The following RNF111 variants were observed in gnomAD, a reference collection of about 807,000 sequenced individuals.
RNF111 encodes ring finger protein 111, also known as E3 ubiquitin-protein ligase Arkadia.
In RNF111, 17 loss-of-function variants were observed where a neutral mutation model predicts 95.1. The observed-to-expected ratio is 0.18, with a 90% confidence interval of 0.12 to 0.27. The LOEUF is 0.27. RNF111 is among the 10% of genes least tolerant of loss of function. RNF111 has a pLI of 1.00. For synonymous variants in RNF111, 440 were observed against 414.8 expected, an observed-to-expected ratio of 1.06 and a Z score of -0.74; for missense variants, 1,189 against 1,210.4, an observed-to-expected ratio of 0.98 and a Z score of 0.26.
chr15:59,008,344 A>G (rs1334117695), intron 1 of RNF111, among the ~76,000 whole-genome samples: 2 of 152,120 alleles, frequency 1.3e-5, no homozygotes, highest in Admixed American at 6.5e-5. Context: ...CAGCCTCCTG[A>G]GTAGCTGAGA....
chr15:59,075,859 A>T, intron 6 of RNF111, 95 bp from the exon 7 acceptor site: 1 of 1,316,380 alleles, frequency 7.6e-7, no homozygotes, highest in South Asian at 1.4e-5. Flanking sequence ...TTTAAAGATT[A>T]TGTTTTTTTG....
intron 2 of RNF111, among the ~76,000 whole-genome samples, chr15:59,048,203 C>G (rs2041805609): frequency 6.6e-6 from 1 of 152,132 alleles, no homozygotes; most frequent in Non-Finnish European, 1.5e-5. Flanking sequence ...CTGAGCAAAA[C>G]CCAAATGTCC....
At chr15:59,057,213 C>A (rs1423618179) in intron 4 of RNF111, among the ~76,000 whole-genome samples, 1 of 152,170 alleles carries the variant, frequency 6.6e-6, no homozygotes, top group East Asian at 1.9e-4. Flanking sequence ...TCACAGTGCA[C>A]ATCTCCTCCC....
chr15:59,008,046 C>G lies in RNF111; in HGVS notation c.-20+19978C>G, dbSNP rs571180229. Among the ~76,000 whole-genome samples the G allele has an allele frequency of 2.0e-3, 300 of 152,208 alleles. 1 individual carries two copies. Among genetic ancestry groups the G allele is most frequent in the Non-Finnish European group, 3.4e-3 (231 of 68,002 alleles). On this transcript the variant is annotated intron_variant, in intron 1 of 13. Transcript: ENST00000348370. The stretch of plus-strand genomic sequence containing the variant: ...CTAATTTTTTTAAGAAATGGTAGTA[C>G]TTTCTGTATCCTGTGAAATCTTTGC...
intron 5 of RNF111, among the ~76,000 whole-genome samples, chr15:59,064,111 T>C (rs559041625): frequency 6.6e-6 from 1 of 152,334 alleles, no homozygotes; most frequent in South Asian, 2.1e-4. Context: ...TAAAAGACTT[T>C]TGATCATGGT....
At chr15:59,018,195 G>C (rs1243783877) in intron 1 of RNF111, among the ~76,000 whole-genome samples, 1 of 152,120 alleles carries the variant, frequency 6.6e-6, no homozygotes, top group Non-Finnish European at 1.5e-5. Flanking sequence ...TTGTAAAGAT[G>C]GGTTCAAAAA....
At chr15:59,093,403 G>C (rs1177634577) in intron 13 of RNF111, 1 of 435,916 alleles carries the variant, frequency 2.3e-6, no homozygotes, top group Non-Finnish European at 4.5e-6. Context: ...CCAGGCTCAG[G>C]GCAGCAGTCT....
At chr15:59,002,640 A>G (rs1015371660) in intron 1 of RNF111, among the ~76,000 whole-genome samples, 1 of 152,130 alleles carries the variant, frequency 6.6e-6, no homozygotes, top group Non-Finnish European at 1.5e-5. Context: ...GTCTTAGGCA[A>G]GTCACTTCTG....
At chr15:59,057,775 C>G (rs1309216350) in intron 4 of RNF111, among the ~76,000 whole-genome samples, 2 of 152,212 alleles carry the variant, frequency 1.3e-5, no homozygotes, top group Admixed American at 6.5e-5. Context: ...TGATTACTCT[C>G]TGTAAGGCAT....
At chr15:59,046,473 G>A (rs1188759233) in intron 2 of RNF111, among the ~76,000 whole-genome samples, 5 of 152,180 alleles carry the variant, frequency 3.3e-5, no homozygotes, top group Admixed American at 2.0e-4. Context: ...GATTACAGGC[G>A]TCAGCCTCTG....
At chr15:59,019,976 A>G (rs925745872) in intron 1 of RNF111, among the ~76,000 whole-genome samples, 2 of 152,000 alleles carry the variant, frequency 1.3e-5, no homozygotes, top group African/African-American at 4.8e-5. Context: ...CAAAAAACAC[A>G]AAAGTATTTA....
chr15:59,065,813 C>G (rs1054941670), intron 5 of RNF111, among the ~76,000 whole-genome samples: 1 of 152,082 alleles, frequency 6.6e-6, no homozygotes, highest in Non-Finnish European at 1.5e-5. Flanking sequence ...GAGCTTAAGA[C>G]CAGCCTGGGC....
chr15:59,085,044 T>C (rs1011588647), intron 9 of RNF111, among the ~76,000 whole-genome samples: 2 of 152,170 alleles, frequency 1.3e-5, no homozygotes, highest in East Asian at 3.8e-4. Context: ...CTTTCCTAGA[T>C]AGGTGGAAGC....
At chr15:59,014,511 C>T (rs1355583563) in intron 1 of RNF111, among the ~76,000 whole-genome samples, 1 of 152,110 alleles carries the variant, frequency 6.6e-6, no homozygotes, top group Non-Finnish European at 1.5e-5. Flanking sequence ...GACTTTTCTG[C>T]TGTGGAATTA....
chr15:59,042,839 T>G (rs1275898158), intron 2 of RNF111, among the ~76,000 whole-genome samples: 2 of 152,210 alleles, frequency 1.3e-5, no homozygotes, highest in East Asian at 3.8e-4. Context: ...AATGTTTTCC[T>G]AGATATTGTT....
At chr15:59,033,456 A>G (rs1013718546) in intron 2 of RNF111, among the ~76,000 whole-genome samples, 2 of 152,196 alleles carry the variant, frequency 1.3e-5, no homozygotes, top group African/African-American at 4.8e-5. Context: ...GGAGTGTAGA[A>G]TAACCATTGC....
intron 1 of RNF111, among the ~76,000 whole-genome samples, chr15:58,994,286 G>A (rs1194957080): frequency 6.0e-5 from 9 of 150,882 alleles, no homozygotes; most frequent in Non-Finnish European, 1.2e-4. Flanking sequence ...TAATCCTCCC[G>A]CCTTGGCCTC....
rs374258207 is a variant in RNF111 at position 59,022,152 on chromosome 15, G to A, written c.-19-8652G>A. Among the ~76,000 whole-genome samples the A allele has an allele frequency of 4.6e-5, 7 of 152,178 alleles. No individual in the cohort carries two copies. In the South Asian group the frequency reaches 1.5e-3, roughly 32 times the overall value. On this transcript the variant is annotated intron_variant, in intron 1 of 13. Coordinates refer to ENST00000348370, the MANE Select transcript of RNF111 (RefSeq NM_017610.8). ...TGGGATTACAAGCATGAGCCACCAC[G>A]CCTGGCCAAGCTTCCTATAAAATAT...
Position 59,094,856 on chromosome 15 carries a change from A to G in RNF111, c.2917A>G (p.Ile973Val). The change falls in exon 14 of 14, where the codon ATA becomes GTA. Residue 973 changes from isoleucine to valine, a missense_variant. Ile to Val is a conservative substitution (Grantham distance 29). Around this residue, in one of 2 missense-constraint regions of RNF111, gnomAD observed 165 missense variants for 284.6 expected, o/e 0.58. Transcript: ENST00000348370. ...QWLITNKKCP[I>V]CRVDIEAQLP... ...GTTGATTACCAATAAGAAGTGCCCC[A>G]TATGCAGAGTGGACATTGAGGCCCA... is the stretch of plus-strand genomic sequence containing the variant. 1 of 1,613,036 alleles carries G rather than the reference A, an allele frequency of 6.2e-7. No homozygotes were observed. The highest frequency in any genetic ancestry group is 8.5e-7 in the Non-Finnish European group (1 of 1,179,262).
Sources: gnomAD v4.1 joint callset for allele counts (sites outside exome capture counted in the v4.1 genomes callset) on GRCh38, gnomAD v4.1.1 for gene constraint, gnomAD v4.1.1 regional missense constraint, MANE v1.5 for transcripts, NCBI Gene and HGNC (gene_info 2026-07-23, HGNC 2026-07-21) for gene names.